The following ABCB1 variants were observed in gnomAD, a reference collection of about 807,000 sequenced individuals.
ABCB1 encodes ATP binding cassette subfamily B member 1.
A neutral mutation model predicts 142.0 loss-of-function variants in ABCB1; 69 were observed. That is an observed-to-expected ratio of 0.49 (90% CI 0.40 to 0.59). The LOEUF (loss-of-function observed/expected upper bound fraction) is 0.59. Ranked by LOEUF, ABCB1 falls within the 20% of genes least tolerant of loss-of-function variation. The probability of loss-of-function intolerance (pLI) is 0.00; values close to 1 mark genes in which losing one functional copy is unlikely to be tolerated. For synonymous variants in ABCB1, 532 were observed against 539.2 expected, an observed-to-expected ratio of 0.99 and a Z score of 0.18; for missense variants, 1,326 against 1,554.7, an observed-to-expected ratio of 0.85 and a Z score of 2.47.
chr7:87,629,593 TGTA>T (rs931211811), intron 1 of ABCB1, among the ~76,000 whole-genome samples: 3 of 152,134 alleles, frequency 2.0e-5, no homozygotes, highest in Admixed American at 6.5e-5. Flanking sequence ...TAACTGTAAA[TGTA>T]GTATTTCCTT....
chr7:87,577,528 T>C (rs1015968910), intron 4 of ABCB1, among the ~76,000 whole-genome samples: 4 of 152,234 alleles, frequency 2.6e-5, no homozygotes, highest in Non-Finnish European at 4.4e-5. Context: ...TTCTCAAAAA[T>C]GTACAAGTTG....
intron 21 of ABCB1, chr7:87,521,605 G>T (rs754124238): frequency 1.3e-6 from 1 of 763,496 alleles, no homozygotes; most frequent in Non-Finnish European, 2.4e-6. Context: ...GGTAATGAGA[G>T]ATCCAAATAC....
At chr7:87,509,231 G>T in intron 26 of ABCB1, 44 bp downstream of exon 26, 1 of 1,598,678 alleles carries the variant, frequency 6.3e-7, no homozygotes, top group Non-Finnish European at 8.6e-7. Context: ...AGGCCAGAGA[G>T]GCTGCCACAT....
chr7:87,692,561 G>C (rs890619510), intron 1 of ABCB1, among the ~76,000 whole-genome samples: 1 of 152,124 alleles, frequency 6.6e-6, no homozygotes, highest in Non-Finnish European at 1.5e-5. Flanking sequence ...CATAAATCTG[G>C]TCATGATATG....
At chr7:87,660,328 A>G (rs186875637) in intron 1 of ABCB1, among the ~76,000 whole-genome samples, 3 of 152,082 alleles carry the variant, frequency 2.0e-5, no homozygotes, top group East Asian at 3.9e-4. Context: ...ATGTTATTCT[A>G]TTTTGTATTC....
chr7:87,709,525 C>G, intron 1 of ABCB1: 1 of 985,180 alleles, frequency 1.0e-6, no homozygotes, highest in Non-Finnish European at 1.2e-6. Context: ...AATTGACTCG[C>G]ATGCTAACCA....
At chr7:87,518,801 TATCTACATTCAGAACA>T (rs1451840382) in intron 23 of ABCB1, 2 of 154,434 alleles carry the variant, frequency 1.3e-5, no homozygotes, top group African/African-American at 4.8e-5. Flanking sequence ...GAGGTACAAT[TATCTACATTCAGAACA>T]ATGTAGCAGA....
intron 1 of ABCB1, among the ~76,000 whole-genome samples, chr7:87,668,894 A>G (rs1034210471): frequency 1.3e-5 from 2 of 152,096 alleles, no homozygotes; most frequent in Non-Finnish European, 2.9e-5. Flanking sequence ...TTTTATTCCA[A>G]TTATTTGGTC....
intron 1 of ABCB1, among the ~76,000 whole-genome samples, chr7:87,655,439 G>A (rs76348194): frequency 0.013 from 2,034 of 152,190 alleles, 43 homozygotes; most frequent in African/African-American, 0.046. Flanking sequence ...TGACCCAGGA[G>A]ACATTATGTT....
intron 1 of ABCB1, among the ~76,000 whole-genome samples, chr7:87,662,248 TA>T (rs1196012866): frequency 6.6e-6 from 1 of 152,150 alleles, no homozygotes; most frequent in East Asian, 1.9e-4. Flanking sequence ...AGAAGCTTTT[TA>T]ACTTGATGTG....
Position 87,571,382 on chromosome 7 carries a change from A to T in ABCB1, c.287-1159T>A, listed in dbSNP as rs1332485109. On this transcript the variant is annotated intron_variant, in intron 4 of 27. Transcript: ENST00000622132. ...GTTTTGAGCAAAATAGGATATAATT[A>T]GAAGTATGTTCTACGAGAGTTTAGC... is the stretch of plus-strand genomic sequence containing the variant. 3.9e-5 allele frequency among the ~76,000 whole-genome samples: 6 copies of T among 152,322 alleles called. No individual in the cohort carries two copies. The East Asian group carries it at 1.2e-3, about 29-fold the overall frequency.
At chr7:87,589,928 C>G (rs1228150040) in intron 3 of ABCB1, among the ~76,000 whole-genome samples, 2 of 150,976 alleles carry the variant, frequency 1.3e-5, no homozygotes, top group African/African-American at 4.9e-5. Flanking sequence ...GAACCAGAAC[C>G]ACATAAAAGG....
chr7:87,600,263 T>G (rs1018912247), intron 1 of ABCB1, 73 bp from the exon 2 acceptor site: 69 of 1,265,450 alleles, frequency 5.5e-5, no homozygotes, highest in Non-Finnish European at 7.4e-5. Flanking sequence ...TAACCTCTAG[T>G]CCCCCGTCGA....
rs114132028 is a variant in ABCB1 at position 87,523,782 on chromosome 7, C to T, written c.2686-2906G>A. Among the ~76,000 whole-genome samples, 399 of 152,300 alleles carry T rather than the reference C, an allele frequency of 2.6e-3. 1 individual carries two copies. Among genetic ancestry groups the T allele is most frequent in the African/African-American group, 9.0e-3 (375 of 41,568 alleles). ...GTGTACAAGATGAGATTTCAGCCTA[C>T]ATCAGCCGCACCACCTTGAACCAAC... On this transcript the variant is annotated intron_variant, in intron 21 of 27. Coordinates refer to ENST00000622132, the MANE Select transcript of ABCB1 (RefSeq NM_001348946.2).
chr7:87,509,085 G>A lies in ABCB1; in HGVS notation c.3489+190C>T, dbSNP rs758130123. 3.9e-5 allele frequency among the ~76,000 whole-genome samples: 6 copies of A among 152,240 alleles called. No homozygotes were observed. The East Asian group carries it at 9.7e-4, about 24-fold the overall frequency. ...ACTTTCATCCCTTCCTCACAAGGAG[G>A]GTCAGGTGATCAGGTAAAGGTAACA... On this transcript the variant is annotated intron_variant, in intron 26 of 27. Transcript: ENST00000622132.
intron 1 of ABCB1, among the ~76,000 whole-genome samples, chr7:87,688,742 A>G (rs1337636289): frequency 6.6e-6 from 1 of 152,070 alleles, no homozygotes; most frequent in East Asian, 1.9e-4. Flanking sequence ...AATGTCTAAA[A>G]TTTTATAACA....
chr7:87,634,494 TG>T (rs58092989), intron 1 of ABCB1, among the ~76,000 whole-genome samples: 42,911 of 73,100 alleles, frequency 0.59, 9,693 homozygotes, highest in South Asian at 0.73. Context: ...TGGTGGGGGG[TG>T]GGGGGGGGGG....
chr7:87,603,005 T>G (rs1563071588), upstream of ABCB1: 2 of 152,314 alleles, frequency 1.3e-5, no homozygotes, highest in South Asian at 2.1e-4. Flanking sequence ...ATTCAAGCGG[T>G]GATATTTCCA....
intron 1 of ABCB1, among the ~76,000 whole-genome samples, chr7:87,629,974 G>T (rs1374042888): frequency 1.3e-5 from 2 of 151,726 alleles, no homozygotes; most frequent in Non-Finnish European, 2.9e-5. Flanking sequence ...GAGATAACTG[G>T]TTTTTAACAT....
Sources: allele counts gnomAD v4.1 joint callset (sites outside exome capture counted in the v4.1 genomes callset), GRCh38; gene constraint gnomAD v4.1.1; transcripts MANE v1.5; gene names NCBI Gene and HGNC (gene_info 2026-07-23, HGNC 2026-07-21).